MVB12B: variants seen among roughly 807,000 people sequenced by gnomAD.
The protein encoded by MVB12B is ESCRT-I complex subunit MVB12B.
A neutral mutation model predicts 41.6 loss-of-function variants in MVB12B; 16 were observed. That is an observed-to-expected ratio of 0.38 (90% confidence interval 0.26 to 0.58). MVB12B has a LOEUF of 0.58. Among genes scored for constraint, MVB12B ranks in the 20% least tolerant of loss-of-function variants. The pLI is 0.62. For missense variants in MVB12B, 274 were observed against 380.2 expected, an observed-to-expected ratio of 0.72 and a Z score of 2.32; for synonymous variants, 133 against 139.7, an observed-to-expected ratio of 0.95 and a Z score of 0.34.
Position 126,394,417 on chromosome 9 carries a change from C to T in MVB12B, c.540-1158C>T, listed in dbSNP as rs116546396. Among the ~76,000 whole-genome samples the T allele has an allele frequency of 6.3e-3, 957 of 152,206 alleles. 9 individuals carry two copies. The highest frequency in any genetic ancestry group is 0.022 in the African/African-American group (908 of 41,516). On this transcript the variant is annotated intron_variant, in intron 5 of 9. Transcript: ENST00000361171. ...AACCAAAGGCTTTTTTCCTTTATGTCACTTTGGAAATATTGCTATAGTTTT... is the reference window on the plus strand; with the variant it reads ...AACCAAAGGCTTTTTTCCTTTATGTTACTTTGGAAATATTGCTATAGTTTT...
chr9:126,405,115 C>A (rs1472129286), intron 6 of MVB12B, among the ~76,000 whole-genome samples: 21 of 151,996 alleles, frequency 1.4e-4, no homozygotes, highest in Non-Finnish European at 1.5e-5. Context: ...TCGGAGCTGG[C>A]CTTGGCGTTC....
chr9:126,431,115 C>T (rs953258648), intron 7 of MVB12B, among the ~76,000 whole-genome samples: 3 of 152,222 alleles, frequency 2.0e-5, no homozygotes, highest in African/African-American at 7.2e-5. Context: ...TCTTCTTAGC[C>T]GTGTGCTTCC....
chr9:126,399,556 C>T (rs1338956383), intron 6 of MVB12B, among the ~76,000 whole-genome samples: 4 of 152,206 alleles, frequency 2.6e-5, no homozygotes, highest in African/African-American at 4.8e-5. Context: ...AGCAGCCCCT[C>T]CACCGTCTGT....
chr9:126,458,849 C>T (rs887295127), intron 7 of MVB12B, among the ~76,000 whole-genome samples: 13 of 152,174 alleles, frequency 8.5e-5, no homozygotes, highest in African/African-American at 2.9e-4. Context: ...TACTGTGTTC[C>T]TTAGCTTCAA....
At chr9:126,405,584 A>C (rs890712644) in intron 6 of MVB12B, among the ~76,000 whole-genome samples, 1 of 152,048 alleles carries the variant, frequency 6.6e-6, no homozygotes, top group Admixed American at 6.6e-5. Context: ...AATGGGCGTT[A>C]AACCAGCGAT....
At chr9:126,503,093 C>A in intron 9 of MVB12B, 84 bp from the exon 10 acceptor site, 1 of 1,258,054 alleles carries the variant, frequency 7.9e-7, no homozygotes, top group Non-Finnish European at 1.1e-6. Flanking sequence ...AGGCCTCTGC[C>A]TGATCTTGAT....
chr9:126,466,955 G>A lies in MVB12B; in HGVS notation c.758-14414G>A, dbSNP rs528937408. 8.5e-4 allele frequency among the ~76,000 whole-genome samples: 129 copies of A among 151,958 alleles called. 1 individual carries two copies. Among genetic ancestry groups the A allele is most frequent in the Non-Finnish European group, 1.6e-3 (108 of 67,976 alleles). ...TGATCCTCCTGCTTCAGCCTCCCGA[G>A]TAGCTGGGACCACAGGCATGTGCCA... On this transcript the variant is annotated intron_variant, in intron 7 of 9. Transcript: ENST00000361171.
In MVB12B at chr9:126,386,538, G is replaced by A. The variant is rs1158411302; in HGVS notation, c.313-24G>A. The A allele has an allele frequency of 6.3e-7, 1 of 1,576,184 alleles. No individual in the cohort carries two copies. The highest frequency in any genetic ancestry group is 1.1e-5 in the South Asian group (1 of 90,166). On this transcript the variant is annotated intron_variant, in intron 3 of 9. Coordinates refer to ENST00000361171, the MANE Select transcript of MVB12B (RefSeq NM_033446.3). The surrounding 1 kb of genome is among the most constrained non-coding windows in gnomAD (Gnocchi z 4.3). ...ACATGCATGTTCAGATTAATAGTCT[G>A]TATCTCTTTTCTTTCTTCCCAAGAG...
chr9:126,449,865 T>G (rs1832858922), intron 7 of MVB12B, among the ~76,000 whole-genome samples: 1 of 152,190 alleles, frequency 6.6e-6, no homozygotes. Flanking sequence ...ACTTCCCATT[T>G]TACAAATAAG....
intron 7 of MVB12B, among the ~76,000 whole-genome samples, chr9:126,424,704 C>T (rs1019027128): frequency 2.0e-5 from 3 of 152,378 alleles, no homozygotes; most frequent in East Asian, 1.9e-4. Flanking sequence ...CTCTTGCCCA[C>T]GGAAGTGGGG....
intron 9 of MVB12B, among the ~76,000 whole-genome samples, chr9:126,497,807 T>G (rs1051481263): frequency 6.6e-6 from 1 of 152,214 alleles, no homozygotes; most frequent in African/African-American, 2.4e-5. Context: ...AAGCAAGGAC[T>G]TCAGCTGGCC....
chr9:126,408,370 T>C (rs1008174467), intron 6 of MVB12B: 3 of 152,228 alleles, frequency 2.0e-5, no homozygotes, highest in Admixed American at 6.5e-5. Context: ...TAATGTAATA[T>C]ACAAAGGAAA....
intron 1 of MVB12B, among the ~76,000 whole-genome samples, chr9:126,329,808 T>C (rs2118778201): frequency 6.6e-6 from 1 of 152,250 alleles, no homozygotes; most frequent in Admixed American, 6.5e-5. Context: ...CAGAGCCTCC[T>C]TTGCAGGTTG....
chr9:126,418,849 C>G (rs1831907307), intron 6 of MVB12B, among the ~76,000 whole-genome samples: 1 of 152,184 alleles, frequency 6.6e-6, no homozygotes, highest in African/African-American at 2.4e-5. Context: ...GGAGCCTTCT[C>G]CTACCCTGCC....
intron 6 of MVB12B, among the ~76,000 whole-genome samples, chr9:126,399,231 C>T (rs542189211): frequency 4.6e-5 from 7 of 152,360 alleles, no homozygotes; most frequent in Middle Eastern, 3.4e-3. Context: ...CACATACAGA[C>T]ATCGCCACAC....
At chr9:126,485,741 C>G (rs1833606470) in intron 9 of MVB12B, among the ~76,000 whole-genome samples, 1 of 142,530 alleles carries the variant, frequency 7.0e-6, no homozygotes, top group African/African-American at 2.6e-5. Flanking sequence ...TGCTTTCAAA[C>G]AGTTCACACA....
intron 2 of MVB12B, among the ~76,000 whole-genome samples, chr9:126,366,119 G>A (rs1199243907): frequency 6.6e-6 from 1 of 151,904 alleles, no homozygotes; most frequent in Non-Finnish European, 1.5e-5. Context: ...TGTCCCCTCT[G>A]TTCTTAGCAG....
At chr9:126,458,388 T>C (rs1833027955) in intron 7 of MVB12B, among the ~76,000 whole-genome samples, 2 of 152,168 alleles carry the variant, frequency 1.3e-5, no homozygotes, top group African/African-American at 4.8e-5. Flanking sequence ...TTCGGGGGCC[T>C]CTGGGCTGCT....
intron 3 of MVB12B, among the ~76,000 whole-genome samples, chr9:126,384,156 G>GT (rs200911897): frequency 0.01 from 1,535 of 152,260 alleles, 11 homozygotes; most frequent in Non-Finnish European, 0.017. Flanking sequence ...ATGTTTGCAA[G>GT]TTAGGTTAAC....
Sources: allele counts gnomAD v4.1 joint callset (sites outside exome capture counted in the v4.1 genomes callset), GRCh38; gene constraint gnomAD v4.1.1; non-coding constraint Gnocchi (gnomAD v3.1); transcripts MANE v1.5; gene names NCBI Gene and HGNC (gene_info 2026-07-23, HGNC 2026-07-21).